Variants in ABI1 observed in about 807,000 individuals in gnomAD.
The protein encoded by ABI1 is abl interactor 1, also known as Abelson interactor 1.
In ABI1, 14 loss-of-function variants were observed where a neutral mutation model predicts 54.6. The ratio of observed to expected loss-of-function variants is 0.26; its 90% confidence interval spans 0.17 to 0.40. ABI1 has a LOEUF of 0.40. ABI1 is among the 10% of genes least tolerant of loss of function. The pLI, the probability that ABI1 is intolerant of heterozygous loss-of-function variation, is 1.00. For synonymous variants in ABI1, 194 were observed against 209.3 expected (o/e 0.93, Z 0.63); for missense variants, 443 against 598.3 (o/e 0.74, Z 2.71).
chr10:26,782,406 T>C (rs1377590133), intron 2 of ABI1, among the ~76,000 whole-genome samples: 3 of 151,410 alleles, frequency 2.0e-5, no homozygotes, highest in Admixed American at 6.6e-5. Context: ...GCAAAAGACT[T>C]GACTAGACAT....
intron 2 of ABI1, among the ~76,000 whole-genome samples, chr10:26,807,086 T>G (rs554707798): frequency 6.6e-6 from 1 of 152,326 alleles, no homozygotes; most frequent in Admixed American, 6.5e-5. Context: ...ACAGAAACTC[T>G]AGATTCTGCT....
intron 1 of ABI1, among the ~76,000 whole-genome samples, chr10:26,834,660 C>T (rs955301867): frequency 1.3e-5 from 2 of 151,232 alleles, no homozygotes; most frequent in African/African-American, 4.9e-5. Context: ...ATCAGAGAAA[C>T]ACAAATCAAA....
At chr10:26,815,774 G>A (rs1418829645) in intron 2 of ABI1, among the ~76,000 whole-genome samples, 2 of 152,158 alleles carry the variant, frequency 1.3e-5, no homozygotes, top group African/African-American at 4.8e-5. Flanking sequence ...AGCTGGGTAT[G>A]GTGGTGTGCA....
At chr10:26,770,885 T>C (rs1014478617) in intron 4 of ABI1, among the ~76,000 whole-genome samples, 190 bp downstream of exon 4, 2 of 152,172 alleles carry the variant, frequency 1.3e-5, no homozygotes, top group African/African-American at 4.8e-5. Flanking sequence ...TGTCAATATA[T>C]CATTGATATA....
At position 26,788,817 on chromosome 10, in the gene ABI1, G is replaced by A. The variant is rs536858885; in HGVS notation, c.286-11576C>T. 8.6e-5 allele frequency among the ~76,000 whole-genome samples: 13 copies of A among 150,598 alleles called. No individual in the cohort carries two copies. The South Asian group carries it at 2.1e-3, about 24-fold the overall frequency. ...AGTCCCAGCTACTCGGGAGGCTGAG[G>A]CAGGAGAATGGCATGAACCTGGGAG... is the stretch of plus-strand genomic sequence containing the variant. On this transcript the variant is annotated intron_variant, in intron 2 of 10. Coordinates refer to ENST00000376140, the MANE Select transcript of ABI1 (RefSeq NM_001012750.3).
intron 2 of ABI1, among the ~76,000 whole-genome samples, chr10:26,796,769 T>C (rs1202993896): frequency 1.3e-5 from 2 of 152,214 alleles, no homozygotes; most frequent in Non-Finnish European, 2.9e-5. Flanking sequence ...AGTCCCCTTT[T>C]TGGCACCAGG....
At chr10:26,784,096 G>C (rs189685732) in intron 2 of ABI1, among the ~76,000 whole-genome samples, 1 of 152,158 alleles carries the variant, frequency 6.6e-6, no homozygotes, top group Non-Finnish European at 1.5e-5. Context: ...TTAGTGATCC[G>C]TCTTTTAGAA....
chr10:26,851,359 T>TTTTTTTTTTC (rs2050375281), intron 1 of ABI1, among the ~76,000 whole-genome samples: 2 of 137,712 alleles, frequency 1.5e-5, no homozygotes, highest in African/African-American at 5.6e-5. Flanking sequence ...TTTTTTTTTT[T>TTTTTTTTTTC]TTTTTTTTTT....
intron 1 of ABI1, among the ~76,000 whole-genome samples, chr10:26,829,484 A>C (rs1297974073): frequency 6.6e-6 from 1 of 152,188 alleles, no homozygotes; most frequent in African/African-American, 2.4e-5. Flanking sequence ...TCACCACAAA[A>C]AGAAACTTTG....
intron 7 of ABI1, among the ~76,000 whole-genome samples, chr10:26,761,407 G>A (rs1839133434): frequency 6.6e-6 from 1 of 151,268 alleles, no homozygotes; most frequent in Non-Finnish European, 1.5e-5. Context: ...AATAAATAAT[G>A]CCAAAGAGTG....
At chr10:26,835,974 A>T (rs1180469486) in intron 1 of ABI1, among the ~76,000 whole-genome samples, 1 of 151,868 alleles carries the variant, frequency 6.6e-6, no homozygotes. Flanking sequence ...GCTGGTCTCG[A>T]ACTCCTGAAC....
intron 1 of ABI1, among the ~76,000 whole-genome samples, chr10:26,837,180 G>A (rs1019039872): frequency 5.3e-5 from 8 of 152,178 alleles, no homozygotes; most frequent in African/African-American, 1.9e-4. Context: ...GCTTCAACAA[G>A]AGAAATGTAT....
intron 1 of ABI1, among the ~76,000 whole-genome samples, chr10:26,840,010 CA>C (rs796168017): frequency 6.6e-6 from 1 of 151,400 alleles, no homozygotes; most frequent in African/African-American, 2.4e-5. Flanking sequence ...AAAACAAAAA[CA>C]AAAAAAACAA....
intron 2 of ABI1, among the ~76,000 whole-genome samples, chr10:26,816,916 T>A (rs1270403599): frequency 1.3e-5 from 2 of 152,110 alleles, no homozygotes; most frequent in Non-Finnish European, 2.9e-5. Flanking sequence ...CCTCTGGTTA[T>A]AATCCATGTA....
intron 7 of ABI1, among the ~76,000 whole-genome samples, chr10:26,762,307 C>T (rs1292703651): frequency 1.3e-5 from 2 of 152,314 alleles, no homozygotes; most frequent in Non-Finnish European, 2.9e-5. Flanking sequence ...TGTGCCCAGC[C>T]TTACAGCTTG....
chr10:26,761,087 A>G (rs1470354625), intron 7 of ABI1, among the ~76,000 whole-genome samples: 4 of 151,618 alleles, frequency 2.6e-5, no homozygotes, highest in African/African-American at 9.7e-5. Flanking sequence ...GGGATATAGG[A>G]GAGTGCCACC....
chr10:26,833,722 G>A (rs1260203724), intron 1 of ABI1, among the ~76,000 whole-genome samples: 2 of 138,578 alleles, frequency 1.4e-5, no homozygotes, highest in Middle Eastern at 3.6e-3. Context: ...ATACTCTCAC[G>A]TACTACTAAA....
At chr10:26,796,541 ACACTCTATGATGTT>A (rs776604567) in intron 2 of ABI1, among the ~76,000 whole-genome samples, 72 of 152,284 alleles carry the variant, frequency 4.7e-4, no homozygotes, top group Non-Finnish European at 7.8e-4. Flanking sequence ...TTGCGTAAGT[ACACTCTATGATGTT>A]CACACAACAA....
intron 1 of ABI1, among the ~76,000 whole-genome samples, chr10:26,859,184 G>A (rs1182211673): frequency 6.6e-6 from 1 of 152,058 alleles, no homozygotes; most frequent in Admixed American, 6.6e-5. Context: ...AAGTGATACA[G>A]TAGATGTGGC....
Sources: allele counts gnomAD v4.1 joint callset (sites outside exome capture counted in the v4.1 genomes callset), GRCh38; gene constraint gnomAD v4.1.1; transcripts MANE v1.5; gene names NCBI Gene and HGNC (gene_info 2026-07-23, HGNC 2026-07-21).